The following NECAB2 variants were observed in gnomAD, a reference collection of about 807,000 sequenced individuals.
NECAB2 encodes N-terminal EF-hand calcium binding protein 2, also known as N-terminal EF-hand calcium-binding protein 2.
Under a neutral mutation model 51.9 loss-of-function variants are expected in NECAB2, and 68 were observed. The observed-to-expected ratio is 1.31, with a 90% CI of 1.08 to 1.60. NECAB2 has a LOEUF of 1.60. Among genes scored for constraint, NECAB2 ranks in the 40% most tolerant of loss-of-function variants. NECAB2 has a pLI of 0.00. For missense variants in NECAB2, 854 were observed against 490.3 expected (o/e 1.74, Z -7.00); for synonymous variants, 329 against 203.5 (o/e 1.62, Z -5.25).
chr16:83,996,678 C>T (rs891188863), intron 8 of NECAB2, among the ~76,000 whole-genome samples: 5 of 152,158 alleles, frequency 3.3e-5, no homozygotes, highest in Non-Finnish European at 4.4e-5. Context: ...TCTGCCGTGA[C>T]ATAGTGACTG....
intron 10 of NECAB2, 150 bp downstream of exon 10, chr16:83,998,467 C>G (rs1467096329): frequency 1.4e-6 from 1 of 724,524 alleles, no homozygotes; most frequent in African/African-American, 1.8e-5. Flanking sequence ...GGGTTCAGGT[C>G]TCTACTGAGG....
intron 8 of NECAB2, among the ~76,000 whole-genome samples, chr16:83,995,458 C>G (rs1457187075): frequency 6.6e-6 from 1 of 152,116 alleles, no homozygotes; most frequent in African/African-American, 2.4e-5. Context: ...AAAATGATGT[C>G]TCCGGTTTAG....
intron 2 of NECAB2, 37 bp downstream of exon 2, chr16:83,972,212 C>G (rs112651630): frequency 1.2e-6 from 2 of 1,612,760 alleles, no homozygotes; most frequent in Non-Finnish European, 1.7e-6. Context: ...CGCCCCACTC[C>G]TTCTGTCCTC....
At chr16:83,990,925 A>G (rs571257245) in intron 6 of NECAB2, among the ~76,000 whole-genome samples, 13 of 152,280 alleles carry the variant, frequency 8.5e-5, no homozygotes, top group African/African-American at 2.4e-4. Context: ...GTTTTGCTGC[A>G]TCCACATGCT....
chr16:83,965,916 TG>T, upstream of NECAB2: 1 of 1,612,734 alleles, frequency 6.2e-7, no homozygotes, highest in Non-Finnish European at 8.5e-7. Flanking sequence ...ATGGGGCCGC[TG>T]GCCGGGGACA....
At chr16:84,000,678 C>T (rs749870849) in intron 10 of NECAB2, 46 bp from the exon 11 acceptor site, 2 of 1,582,438 alleles carry the variant, frequency 1.3e-6, no homozygotes, top group African/African-American at 1.3e-5. Flanking sequence ...CTGAGGTGGC[C>T]TTGGTTGAGC....
intron 5 of NECAB2, among the ~76,000 whole-genome samples, chr16:83,986,142 G>T (rs569871735): frequency 1.9e-4 from 29 of 151,970 alleles, no homozygotes; most frequent in Non-Finnish European, 3.2e-4. Context: ...TCAGCCTCCC[G>T]AGTAGCTGGG....
chr16:83,988,417 C>A (rs925100169), intron 5 of NECAB2, among the ~76,000 whole-genome samples: 1 of 152,170 alleles, frequency 6.6e-6, no homozygotes, highest in Non-Finnish European at 1.5e-5. Flanking sequence ...AGCTAATTAA[C>A]ACTTTCTCTT....
At chr16:83,978,307 G>A in intron 2 of NECAB2, 137 bp from the exon 3 acceptor site, 1 of 652,084 alleles carries the variant, frequency 1.5e-6, no homozygotes, top group East Asian at 2.7e-5. Flanking sequence ...GGGATTAGCT[G>A]GGAGGGTAGG....
intron 10 of NECAB2, among the ~76,000 whole-genome samples, chr16:83,998,650 C>G (rs534588737): frequency 3.7e-4 from 56 of 152,302 alleles, no homozygotes; most frequent in Admixed American, 1.8e-3. Context: ...TGGTGTGCCC[C>G]GTGCGCTCAG....
At chr16:83,996,474 C>G (rs7187407) in intron 8 of NECAB2, among the ~76,000 whole-genome samples, 11,120 of 152,210 alleles carry the variant, frequency 0.073, 1,348 homozygotes, top group African/African-American at 0.25. Flanking sequence ...CGTGCTTTAC[C>G]TGTGGCTGCC....
chr16:83,992,382 C>A (rs1027299429), intron 6 of NECAB2, among the ~76,000 whole-genome samples: 36 of 134,360 alleles, frequency 2.7e-4, no homozygotes, highest in East Asian at 4.4e-4. Flanking sequence ...ACCCGTCCCC[C>A]CGCCCACCTC....
rs372936366 is a variant in NECAB2 at position 83,994,654 on chromosome 16, G to A, written c.761G>A (p.Arg254His). Reference protein sequence around the residue: ...KEEGLEAQISRLAELIGRLES... With the variant: ...KEEGLEAQISHLAELIGRLES... ...GAGGGTCTGGAAGCCCAGATCAGCC[G>A]CTTGGCAGAGCTGATTGGGAGGCTG... Residue 254 changes from arginine to histidine, a missense_variant, in exon 8 of 13, where the codon CGC becomes CAC. Coordinates refer to ENST00000305202, the MANE Select transcript of NECAB2 (RefSeq NM_019065.3). The A allele has an allele frequency of 4.4e-5, 71 of 1,614,004 alleles. No individual in the cohort carries two copies. The highest frequency in any genetic ancestry group is 1.2e-4 in the African/African-American group (9 of 74,928).
rs115177143 is a variant in NECAB2, at chr16:83,981,803, G to C, written c.459+676G>C. ...CAGAGAGCAGCCATAGGGCACACTG[G>C]TCCAGGCCCACGGTGAGGGAACTGG... On this transcript the variant is annotated intron_variant, in intron 5 of 12. Coordinates refer to ENST00000305202, the MANE Select transcript of NECAB2 (RefSeq NM_019065.3). Among the ~76,000 whole-genome samples the C allele has an allele frequency of 7.6e-3, 1,152 of 152,218 alleles. 13 individuals are homozygous for C. Among genetic ancestry groups the C allele is most frequent in the African/African-American group, 0.027 (1,120 of 41,514 alleles).
intron 3 of NECAB2, among the ~76,000 whole-genome samples, chr16:83,979,458 G>T (rs963695942): frequency 2.6e-5 from 4 of 152,142 alleles, no homozygotes; most frequent in Non-Finnish European, 2.9e-5. Context: ...GCACTGGCTG[G>T]GGACCGGGAT....
Position 83,990,476 on chromosome 16 carries a change from C to T in NECAB2, c.460-18C>T. The T allele has an allele frequency of 1.2e-6, 2 of 1,613,708 alleles. No individual in the cohort carries two copies. The highest frequency in any genetic ancestry group is 1.7e-6 in the Non-Finnish European group (2 of 1,179,654). Reference sequence around the variant, plus strand: ...TCCCACCCCTTTCCCCTCAGTGCCTCTTCTCTTCCTTCCACAGGTATATGA... The same window carrying T: ...TCCCACCCCTTTCCCCTCAGTGCCTTTTCTCTTCCTTCCACAGGTATATGA... On this transcript the variant is annotated intron_variant, in intron 5 of 12. Coordinates refer to ENST00000305202, the MANE Select transcript of NECAB2 (RefSeq NM_019065.3).
intron 10 of NECAB2, among the ~76,000 whole-genome samples, chr16:83,999,726 TTGCCTGCAGCCCCTTCCTCTG>T (rs1428852365): frequency 1.3e-5 from 2 of 152,100 alleles, no homozygotes; most frequent in Admixed American, 1.3e-4. Context: ...AATGGGGGAC[TTGCCTGCAGCCCCTTCCTCTG>T]TGGCCCAGCA....
upstream of NECAB2, chr16:83,965,998 G>A (rs2084276220): frequency 6.4e-7 from 1 of 1,572,882 alleles, no homozygotes; most frequent in Non-Finnish European, 8.6e-7. Context: ...AGACCAGGAA[G>A]CCACCCTAAC....
rs5012588 is a variant in NECAB2, at chr16:84,002,126, G to T, written c.1133-192G>T. The stretch of plus-strand genomic sequence containing the variant: ...GCTTGCACCAGAGCACCCCCTCCAC[G>T]GCCCCCTACTTCCAGCCAGACTGAA... On this transcript the variant is annotated intron_variant, in intron 12 of 12. Coordinates refer to ENST00000305202, the MANE Select transcript of NECAB2 (RefSeq NM_019065.3). Among the ~76,000 whole-genome samples, 323 of 152,120 alleles carry T rather than the reference G, an allele frequency of 2.1e-3. 5 individuals are homozygous for T. Among genetic ancestry groups the T allele is most frequent in the African/African-American group, 7.1e-3 (294 of 41,470 alleles).
Sources: gnomAD v4.1 joint callset for allele counts (sites outside exome capture counted in the v4.1 genomes callset) on GRCh38, gnomAD v4.1.1 for gene constraint, MANE v1.5 for transcripts, NCBI Gene and HGNC (gene_info 2026-07-23, HGNC 2026-07-21) for gene names.